Variants in AFG1L observed in about 807,000 individuals in gnomAD.
The protein encoded by AFG1L is AFG1 like ATPase.
Under a neutral mutation model 62.2 loss-of-function variants are expected in AFG1L, and 53 were observed. That is an observed-to-expected ratio of 0.85 (90% CI 0.68 to 1.07). The LOEUF is 1.07. AFG1L is among the 50% of genes least tolerant of loss of function. AFG1L has a pLI of 0.00. For missense variants in AFG1L, 555 were observed against 590.5 expected (o/e 0.94, Z 0.62); for synonymous variants, 228 against 210.3 (o/e 1.08, Z -0.73).
intron 2 of AFG1L, among the ~76,000 whole-genome samples, chr6:108,341,349 A>G (rs1778674977): frequency 6.6e-6 from 1 of 152,152 alleles, no homozygotes; most frequent in Non-Finnish European, 1.5e-5. Context: ...TGAACTTACT[A>G]ATTGTATTGT....
chr6:108,423,234 G>A (rs1405984248), intron 7 of AFG1L, among the ~76,000 whole-genome samples: 1 of 152,074 alleles, frequency 6.6e-6, no homozygotes, highest in Non-Finnish European at 1.5e-5. Context: ...ACTGATTCAT[G>A]AAACTGTCTT....
At chr6:108,353,236 C>T (rs1779148826) in intron 3 of AFG1L, among the ~76,000 whole-genome samples, 1 of 151,312 alleles carries the variant, frequency 6.6e-6, no homozygotes, top group Non-Finnish European at 1.5e-5. Flanking sequence ...CTCACTGCAA[C>T]CTTGAACTCC....
At chr6:108,480,195 G>A (rs750180914) in intron 10 of AFG1L, among the ~76,000 whole-genome samples, 2 of 152,012 alleles carry the variant, frequency 1.3e-5, no homozygotes, top group South Asian at 2.1e-4. Flanking sequence ...ATTCAGTACC[G>A]TCATGTTCAG....
chr6:108,346,865 T>C, intron 2 of AFG1L, 123 bp from the exon 3 acceptor site: 1 of 696,512 alleles, frequency 1.4e-6, no homozygotes, highest in South Asian at 1.7e-5. Flanking sequence ...CAAGTTTTTT[T>C]CTTACTTATT....
At chr6:108,342,505 T>C (rs1302119150) in intron 2 of AFG1L, among the ~76,000 whole-genome samples, 9 of 152,192 alleles carry the variant, frequency 5.9e-5, no homozygotes, top group African/African-American at 1.7e-4. Flanking sequence ...AAGAAAACCG[T>C]GTAACCCTTC....
At chr6:108,438,484 C>G (rs1225395670) in intron 7 of AFG1L, among the ~76,000 whole-genome samples, 1 of 152,150 alleles carries the variant, frequency 6.6e-6, no homozygotes. Flanking sequence ...CAGTCACATT[C>G]TGAGGTACTG....
intron 6 of AFG1L, among the ~76,000 whole-genome samples, chr6:108,393,268 CTAAA>C (rs1168800959): frequency 6.6e-6 from 1 of 151,898 alleles, no homozygotes; most frequent in Non-Finnish European, 1.5e-5. Context: ...ATTTTGTTGG[CTAAA>C]TAACATTTCA....
chr6:108,436,196 G>A (rs1771298793), intron 7 of AFG1L, among the ~76,000 whole-genome samples: 1 of 152,116 alleles, frequency 6.6e-6, no homozygotes, highest in Non-Finnish European at 1.5e-5. Flanking sequence ...CCAGGCTGGA[G>A]TGCAGTGTCA....
At chr6:108,379,172 G>C (rs1474970212) in intron 6 of AFG1L, among the ~76,000 whole-genome samples, 2 of 151,720 alleles carry the variant, frequency 1.3e-5, no homozygotes, top group African/African-American at 2.4e-5. Flanking sequence ...TACCATGCCT[G>C]GCTAAGTTTT....
intron 7 of AFG1L, among the ~76,000 whole-genome samples, chr6:108,415,988 T>C (rs1442881912): frequency 2.0e-5 from 3 of 152,184 alleles, no homozygotes; most frequent in Admixed American, 6.5e-5. Flanking sequence ...ACAGGCAACC[T>C]ACAGAATGGG....
chr6:108,449,352 A>G (rs1430396301), intron 8 of AFG1L, among the ~76,000 whole-genome samples: 1 of 152,092 alleles, frequency 6.6e-6, no homozygotes, highest in East Asian at 1.9e-4. Flanking sequence ...ATAGTCAAGA[A>G]TAGAAAGCCT....
chr6:108,319,095 A>G (rs1777714797), intron 1 of AFG1L, among the ~76,000 whole-genome samples: 1 of 152,196 alleles, frequency 6.6e-6, no homozygotes, highest in Non-Finnish European at 1.5e-5. Flanking sequence ...AATGAAGTCT[A>G]CACTATTAAA....
At position 108,323,850 on chromosome 6, in the gene AFG1L, C is replaced by T; in HGVS notation, c.165C>T (p.Ser55=). The T allele has an allele frequency of 6.2e-7, 1 of 1,614,052 alleles. No homozygotes were observed. Among genetic ancestry groups the T allele is most frequent in the South Asian group, 1.1e-5 (1 of 91,078 alleles). ...CCTATACGGTTCAGACATCCGAGAG[C>T]ATGACCCCAACTGCCACTTCAGAGA... is the stretch of plus-strand genomic sequence containing the variant. The part of the protein sequence containing the change: ...WKAYTVQTSE[S]MTPTATSETY... Residue 55 remains serine, a synonymous_variant, in exon 2 of 13, where the codon AGC becomes AGT. Transcript: ENST00000368977.
chr6:108,408,208 T>C (rs546370542), intron 7 of AFG1L, among the ~76,000 whole-genome samples: 4 of 151,908 alleles, frequency 2.6e-5, no homozygotes, highest in African/African-American at 9.7e-5. Flanking sequence ...TTTTTAAACT[T>C]TGATAGGGTG....
chr6:108,482,750 G>A lies in AFG1L; in HGVS notation c.1062+5458G>A, dbSNP rs559104868. Among the ~76,000 whole-genome samples, 13 of 151,858 alleles carry A rather than the reference G, an allele frequency of 8.6e-5. No individual in the cohort carries two copies. In the South Asian group the frequency reaches 2.1e-3, roughly 24 times the overall value. ...TTGTCTGATGTTTTCCTTATGATTA[G>A]ACTGGAATGATGGTCTTTGGGGAAT... On this transcript the variant is annotated intron_variant, in intron 10 of 12. Coordinates refer to ENST00000368977, the MANE Select transcript of AFG1L (RefSeq NM_145315.5).
chr6:108,386,106 CTG>C (rs1277409849), intron 6 of AFG1L, among the ~76,000 whole-genome samples: 1 of 151,880 alleles, frequency 6.6e-6, no homozygotes, highest in Non-Finnish European at 1.5e-5. Context: ...GAATGAGACT[CTG>C]TCTCTCAAAT....
At chr6:108,466,597 G>A (rs1002794661) in intron 8 of AFG1L, among the ~76,000 whole-genome samples, 3 of 151,954 alleles carry the variant, frequency 2.0e-5, no homozygotes, top group Non-Finnish European at 4.4e-5. Context: ...ACAGAGGAAA[G>A]AAAGGCCACA....
At chr6:108,428,663 C>T (rs1436895235) in intron 7 of AFG1L, among the ~76,000 whole-genome samples, 3 of 152,078 alleles carry the variant, frequency 2.0e-5, no homozygotes, top group Non-Finnish European at 2.9e-5. Context: ...TAAGGTGGTA[C>T]CTCATTGTGG....
At chr6:108,464,014 A>G in intron 8 of AFG1L, among the ~76,000 whole-genome samples, 1 of 152,218 alleles carries the variant, frequency 6.6e-6, no homozygotes, top group East Asian at 1.9e-4. Context: ...TCTAAGAGGA[A>G]GGGGAAATTT....
Sources: gnomAD v4.1 joint callset for allele counts (sites outside exome capture counted in the v4.1 genomes callset) on GRCh38, gnomAD v4.1.1 for gene constraint, MANE v1.5 for transcripts, NCBI Gene and HGNC (gene_info 2026-07-23, HGNC 2026-07-21) for gene names.